The following CALHM3 variants were observed in gnomAD, a reference collection of about 807,000 sequenced individuals.
CALHM3 encodes the protein calcium homeostasis modulator protein 3.
In CALHM3, 9 loss-of-function variants were observed where a neutral mutation model predicts 13.6. That is an observed-to-expected ratio of 0.66 (90% CI 0.40 to 1.15). The LOEUF (loss-of-function observed/expected upper bound fraction) is 1.15. Among genes scored for constraint, CALHM3 ranks in the 50% most tolerant of loss-of-function variants. The pLI is 0.01. For missense variants in CALHM3, 497 were observed against 463.4 expected, an observed-to-expected ratio of 1.07 and a Z score of -0.67; for synonymous variants, 231 against 213.2, an observed-to-expected ratio of 1.08 and a Z score of -0.73.
chr10:103,473,468 G>A lies in CALHM3; in HGVS notation c.780C>T (p.Arg260=). The A allele has an allele frequency of 1.9e-6, 3 of 1,544,116 alleles. No homozygotes were observed. The South Asian group carries it at 3.6e-5, about 19-fold the overall frequency. ...CGAGTCTCCTGCCTGCATTGCCCCGGCGCAGCCCCCGCGCCTGCAGCTCAC... is the reference window on the plus strand; with the variant it reads ...CGAGTCTCCTGCCTGCATTGCCCCGACGCAGCCCCCGCGCCTGCAGCTCAC... ...MRSELQARGL[R]RGNAGRRLEL... is the part of the protein sequence containing the mutation. Residue 260 remains arginine (R), a synonymous_variant, in exon 3 of 3, where the codon CGC becomes CGT. Coordinates refer to ENST00000369783, the MANE Select transcript of CALHM3 (RefSeq NM_001129742.2).
chr10:103,475,770 G>A lies in CALHM3; in HGVS notation c.543+524C>T, dbSNP rs551113432. ...ACTCAGTGCTGGGGCTGTAGGAGCAGTGGTGGTGGAATCTGGAGTCTAGGC... is the reference window on the plus strand; with the variant it reads ...ACTCAGTGCTGGGGCTGTAGGAGCAATGGTGGTGGAATCTGGAGTCTAGGC... On this transcript the variant is annotated intron_variant, in intron 2 of 2. Transcript: ENST00000369783. Among the ~76,000 whole-genome samples, 30 of 152,364 alleles carry A rather than the reference G, an allele frequency of 2.0e-4. No homozygotes were observed. In the South Asian group the frequency reaches 6.2e-3, roughly 32 times the overall value.
chr10:103,473,390 C>A lies in CALHM3; in HGVS notation c.858G>T (p.Lys286Asn). ...GGCTGGAGATTGCGCGCAGGTGGGC[C>A]TTCCCACTTCCACTATCCAGGCCTT... Reference protein sequence around the residue: ...PPEGLDSGSGKAHLRAISSRE... With the variant: ...PPEGLDSGSGNAHLRAISSRE... Residue 286 changes from lysine to asparagine, a missense_variant, in exon 3 of 3, where the codon AAG (lysine) becomes AAT (asparagine). Transcript: ENST00000369783. 6.7e-7 allele frequency: 1 copy of A among 1,498,882 alleles called. No individual in the cohort carries two copies. The highest frequency in any genetic ancestry group is 8.9e-7 in the Non-Finnish European group (1 of 1,118,274). 92.8% of individuals were successfully genotyped at this position (1,498,882 alleles called of 1,614,324 possible).
At chr10:103,478,316 G>A (rs962964590) in intron 1 of CALHM3, among the ~76,000 whole-genome samples, 1 of 152,148 alleles carries the variant, frequency 6.6e-6, no homozygotes, top group Non-Finnish European at 1.5e-5. Flanking sequence ...TATTCTGAAG[G>A]TTCTGTGGCA....
chr10:103,473,342 TA>T lies in CALHM3; in HGVS notation c.905del (p.Leu302GlnfsTer61), dbSNP rs769712514. The T allele has an allele frequency of 7.3e-5, 110 of 1,505,308 alleles. 1 individual carries two copies. Among genetic ancestry groups the T allele is most frequent in the Non-Finnish European group, 9.7e-5 (109 of 1,121,666 alleles). The allele number at this position is 1,505,308 out of a possible 1,614,324, so 93.2% of individuals were successfully genotyped here. On this transcript the variant is annotated frameshift_variant, in exon 3 of 3. Coordinates refer to ENST00000369783, the MANE Select transcript of CALHM3 (RefSeq NM_001129742.2). LOFTEE classifies it low-confidence loss of function (END_TRUNC). ...GCGGCTTGCTGGAGTACCACGTGCTTAGGAGGCGGTCCACCTGCTCCCGGCT... is the reference window on the plus strand; with the variant it reads ...GCGGCTTGCTGGAGTACCACGTGCTTGGAGGCGGTCCACCTGCTCCCGGCT... ...ISSREQVDRL[L>X]STWYSSKPPL...
rs1033862305 is a variant in CALHM3, at chr10:103,478,824, G to C, written c.209C>G (p.Ala70Gly). Residue 70 changes from alanine (A) to glycine (G), a missense_variant, in exon 1 of 3, where the codon GCC (alanine) becomes GGC (glycine). Transcript: ENST00000369783. ...PLALFLCGLL[A>G]NRQSVVMVEE... Reference sequence around the variant, plus strand: ...GACCATCACCACAGACTGCCGGTTGGCGAGGAGGCCGCAGAGAAACAGGGC... The same window carrying C: ...GACCATCACCACAGACTGCCGGTTGCCGAGGAGGCCGCAGAGAAACAGGGC... The C allele has an allele frequency of 1.9e-6, 3 of 1,551,560 alleles. No homozygotes were observed. Among genetic ancestry groups the C allele is most frequent in the Non-Finnish European group, 2.6e-6 (3 of 1,146,982 alleles).
At chr10:103,477,266 G>A (rs1178327544) in intron 1 of CALHM3, among the ~76,000 whole-genome samples, 1 of 152,122 alleles carries the variant, frequency 6.6e-6, no homozygotes, top group African/African-American at 2.4e-5. Flanking sequence ...CTCTGCCCCT[G>A]CCTGTAGTGA....
chr10:103,478,573 T>C (rs1349642930), intron 1 of CALHM3, among the ~76,000 whole-genome samples, 173 bp downstream of exon 1: 3 of 152,316 alleles, frequency 2.0e-5, no homozygotes, highest in African/African-American at 7.2e-5. Flanking sequence ...TGTGAGCCGA[T>C]AATTCCTAGT....
At chr10:103,474,103 T>C (rs926437092) in intron 2 of CALHM3, among the ~76,000 whole-genome samples, 23 of 152,178 alleles carry the variant, frequency 1.5e-4, no homozygotes, top group African/African-American at 5.3e-4. Context: ...TCCTTTTACA[T>C]TTCCCATCCA....
intron 2 of CALHM3, among the ~76,000 whole-genome samples, chr10:103,474,589 G>T (rs906189201): frequency 1.3e-5 from 2 of 152,066 alleles, no homozygotes; most frequent in African/African-American, 4.8e-5. Flanking sequence ...CGAGTAGCTG[G>T]GATTACAGAT....
At chr10:103,477,824 C>T (rs1377880988) in intron 1 of CALHM3, among the ~76,000 whole-genome samples, 1 of 152,138 alleles carries the variant, frequency 6.6e-6, no homozygotes, top group South Asian at 2.1e-4. Flanking sequence ...CCACTCGCCT[C>T]GACCTCCCAA....
At position 103,473,396 on chromosome 10, in the gene CALHM3, A is replaced by G. The variant is rs2033346513; in HGVS notation, c.852T>C (p.Ser284=). ...AGATTGCGCGCAGGTGGGCCTTCCC[A>G]CTTCCACTATCCAGGCCTTCTGGGG... is the stretch of plus-strand genomic sequence containing the variant. ...PEPPEGLDSG[S]GKAHLRAISS... Residue 284 remains serine (S), a synonymous_variant, in exon 3 of 3, where the codon AGT becomes AGC. Transcript: ENST00000369783. The G allele has an allele frequency of 1.3e-6, 2 of 1,485,854 alleles. No homozygotes were observed. Among genetic ancestry groups the G allele is most frequent in the African/African-American group, 1.7e-5 (1 of 59,882 alleles). The allele number at this position is 1,485,854 out of a possible 1,614,324, so 92.0% of individuals were successfully genotyped here.
chr10:103,478,844 C>T lies in CALHM3; in HGVS notation c.189G>A (p.Leu63=). 6.4e-7 allele frequency: 1 copy of T among 1,551,672 alleles called. No individual in the cohort carries two copies. Among genetic ancestry groups the T allele is most frequent in the Non-Finnish European group, 8.7e-7 (1 of 1,147,006 alleles). ...GGTTGGCGAGGAGGCCGCAGAGAAA[C>T]AGGGCGAGCGGGGGCGTCAGCAGCA... is the stretch of plus-strand genomic sequence containing the variant. ...LGLLLTPPLA[L]FLCGLLANRQ... The change falls in exon 1 of 3, where the codon CTG becomes CTA. Residue 63 remains leucine (L), a synonymous_variant. Transcript: ENST00000369783.
chr10:103,473,382 A>G lies in CALHM3; in HGVS notation c.866T>C (p.Leu289Pro). 1 of 1,496,310 alleles carries G rather than the reference A, an allele frequency of 6.7e-7. No homozygotes were observed. The highest frequency in any genetic ancestry group is 1.3e-5 in the South Asian group (1 of 75,652). 92.7% of individuals were successfully genotyped at this position (1,496,310 alleles called of 1,614,324 possible). Residue 289 changes from leucine to proline, a missense_variant, in exon 3 of 3, where the codon CTG (leucine) becomes CCG (proline). Transcript: ENST00000369783. Reference protein sequence around the residue: ...GLDSGSGKAHLRAISSREQVD... With the variant: ...GLDSGSGKAHPRAISSREQVD... ...CTGCTCCCGGCTGGAGATTGCGCGCAGGTGGGCCTTCCCACTTCCACTATC... is the reference window on the plus strand; with the variant it reads ...CTGCTCCCGGCTGGAGATTGCGCGCGGGTGGGCCTTCCCACTTCCACTATC...
In CALHM3 at chr10:103,472,896, C is replaced by CAA; in HGVS notation, c.*315_*316dup. Reference sequence around the variant, plus strand: ...CAGATTTACTTAGATTCTTGCTACTCAAAGTTTGGTTCACTGACCAAAAGC... The same window carrying CAA: ...CAGATTTACTTAGATTCTTGCTACTCAAAAAGTTTGGTTCACTGACCAAAAGC... On this transcript the variant is annotated 3_prime_UTR_variant, in exon 3 of 3. Transcript: ENST00000369783. The CAA allele has an allele frequency of 3.2e-6, 1 of 311,430 alleles. No individual in the cohort carries two copies. Among genetic ancestry groups the CAA allele is most frequent in the East Asian group, 5.2e-5 (1 of 19,318 alleles). 19.3% of individuals were successfully genotyped at this position (311,430 alleles called of 1,614,324 possible). A position where few individuals can be genotyped will look rare whatever the true frequency, so the allele number is the denominator to read the frequency against.
rs1192881784 is a variant in CALHM3, at chr10:103,473,210, A to C, written c.*3T>G. On this transcript the variant is annotated 3_prime_UTR_variant, in exon 3 of 3. Transcript: ENST00000369783. ...CACTGCCGCTTCAAGCCTGGCCAGG[A>C]CCCTACACGTCGGTGTGTTGTGACA... 7.1e-7 allele frequency: 1 copy of C among 1,400,356 alleles called. No individual in the cohort carries two copies. The highest frequency in any genetic ancestry group is 2.8e-5 in the East Asian group (1 of 35,874). The allele number at this position is 1,400,356 out of a possible 1,614,324, so 86.7% of individuals were successfully genotyped here.
At chr10:103,474,409 A>C (rs1401716212) in intron 2 of CALHM3, among the ~76,000 whole-genome samples, 2 of 146,740 alleles carry the variant, frequency 1.4e-5, no homozygotes, top group East Asian at 2.0e-4. Context: ...CTACTCATCC[A>C]CCCCCCCCAT....
chr10:103,473,423 C>CTCAGGCACTGCGGGGGGT lies in CALHM3; in HGVS notation c.824_825insACCCCCCGCAGTGCCTGA (p.Ala272_Pro277dup), dbSNP rs1468322131. 4 of 1,522,876 alleles carry CTCAGGCACTGCGGGGGGT rather than the reference C, an allele frequency of 2.6e-6. No homozygotes were observed. In the East Asian group the frequency reaches 9.9e-5, roughly 38 times the overall value. 94.3% of individuals were successfully genotyped at this position (1,522,876 alleles called of 1,614,324 possible). On this transcript the variant is annotated inframe_insertion, in exon 3 of 3. Transcript: ENST00000369783. ...TTCCACTATCCAGGCCTTCTGGGGG[C>CTCAGGCACTGCGGGGGGT]TCAGGCACTGCGGGGAGCTCGAGTC...
In CALHM3 at chr10:103,476,351, C is replaced by T. The variant is rs149475857; in HGVS notation, c.486G>A (p.Leu162=). 1.3e-5 allele frequency: 20 copies of T among 1,551,712 alleles called. No homozygotes were observed. The African/African-American group carries it at 1.8e-4, about 14-fold the overall frequency. Residue 162 remains leucine, a synonymous_variant, in exon 2 of 3, where the codon CTG becomes CTA. Transcript: ENST00000369783. Reference sequence around the variant, plus strand: ...CCTTCCGAGCAGGGCTATCCCTGACCAGCTCATCCTCCTTGCAGGGAACCT... The same window carrying T: ...CCTTCCGAGCAGGGCTATCCCTGACTAGCTCATCCTCCTTGCAGGGAACCT... ...LAKVPCKEDE[L]VRDSPARKAV...
chr10:103,473,387 G>A lies in CALHM3; in HGVS notation c.861C>T (p.Ala287=). The A allele has an allele frequency of 6.7e-7, 1 of 1,493,594 alleles. No individual in the cohort carries two copies. The highest frequency in any genetic ancestry group is 1.7e-4 in the Middle Eastern group (1 of 5,730). 92.5% of individuals were successfully genotyped at this position (1,493,594 alleles called of 1,614,324 possible). A position where few individuals can be genotyped will look rare whatever the true frequency, so the allele number is the denominator to read the frequency against. The change falls in exon 3 of 3, where the codon GCC becomes GCT. Residue 287 remains alanine (A), a synonymous_variant. Transcript: ENST00000369783. ...PEGLDSGSGK[A]HLRAISSREQ... is the part of the protein sequence containing the mutation. Reference sequence around the variant, plus strand: ...CCCGGCTGGAGATTGCGCGCAGGTGGGCCTTCCCACTTCCACTATCCAGGC... The same window carrying A: ...CCCGGCTGGAGATTGCGCGCAGGTGAGCCTTCCCACTTCCACTATCCAGGC...
Sources: allele counts gnomAD v4.1 joint callset (sites outside exome capture counted in the v4.1 genomes callset), GRCh38; gene constraint gnomAD v4.1.1; transcripts MANE v1.5; gene names NCBI Gene and HGNC (gene_info 2026-07-23, HGNC 2026-07-21).